The following MEMO1 variants were observed in gnomAD, a reference collection of about 807,000 sequenced individuals.
MEMO1 encodes the protein mediator of cell motility 1.
A neutral mutation model predicts 45.2 loss-of-function variants in MEMO1; 6 were observed. The observed-to-expected ratio is 0.13, with a 90% CI of 0.07 to 0.26. MEMO1 has a LOEUF of 0.26. MEMO1 is among the 10% of genes least tolerant of loss of function. The probability of loss-of-function intolerance (pLI) is 1.00; values close to 1 mark genes in which losing one functional copy is unlikely to be tolerated. For synonymous variants in MEMO1, 78 were observed against 124.3 expected (o/e 0.63, Z 2.48); for missense variants, 184 against 370.5 (o/e 0.50, Z 4.13).
At chr2:31,928,474 G>A (rs71446030) in intron 4 of MEMO1, among the ~76,000 whole-genome samples, 6,106 of 151,634 alleles carry the variant, frequency 0.04, 153 homozygotes, top group Middle Eastern at 0.11. Context: ...TTGAACTCAG[G>A]AGGCGGAGGT....
intron 7 of MEMO1, among the ~76,000 whole-genome samples, chr2:31,889,130 T>C (rs892869043): frequency 1.3e-5 from 2 of 152,102 alleles, no homozygotes; most frequent in East Asian, 3.8e-4. Flanking sequence ...CTGCAAAAGG[T>C]AGGCACAATA....
intron 8 of MEMO1, among the ~76,000 whole-genome samples, chr2:31,881,665 T>C (rs1331511860): frequency 6.6e-6 from 1 of 152,116 alleles, no homozygotes; most frequent in Admixed American, 6.6e-5. Flanking sequence ...TATGCTTTTT[T>C]TATAGCTCTT....
intron 2 of MEMO1, among the ~76,000 whole-genome samples, chr2:31,955,455 T>C (rs891562109): frequency 2.6e-5 from 4 of 152,178 alleles, no homozygotes; most frequent in African/African-American, 4.8e-5. Context: ...TCTCCAGCTT[T>C]TCCAAATAAC....
At chr2:31,906,313 G>A (rs1292970457) in intron 6 of MEMO1, among the ~76,000 whole-genome samples, 1 of 147,806 alleles carries the variant, frequency 6.8e-6, no homozygotes, top group Admixed American at 6.8e-5. Context: ...TTTTTTGTTT[G>A]TTTGTTTGTT....
intron 4 of MEMO1, among the ~76,000 whole-genome samples, chr2:31,922,342 TG>T (rs1682444453): frequency 7.0e-6 from 1 of 142,504 alleles, no homozygotes; most frequent in South Asian, 2.2e-4. Context: ...TGTTCTGCTA[TG>T]AAAAAAAAAA....
intron 2 of MEMO1, among the ~76,000 whole-genome samples, chr2:31,988,161 T>C (rs1365453294): frequency 6.6e-6 from 1 of 152,168 alleles, no homozygotes; most frequent in Non-Finnish European, 1.5e-5. Flanking sequence ...GCAGGACCTT[T>C]CAGAAGGTCC....
intron 2 of MEMO1, among the ~76,000 whole-genome samples, chr2:31,961,627 A>C (rs561406503): frequency 1.1e-4 from 17 of 151,810 alleles, no homozygotes; most frequent in African/African-American, 3.9e-4. Context: ...ACAAAAAAAA[A>C]ACTAGCTAGG....
At position 31,868,166 on chromosome 2, in the gene MEMO1, C is replaced by T; in HGVS notation, c.*195G>A. 1 of 424,036 alleles carries T rather than the reference C, an allele frequency of 2.4e-6. No homozygotes were observed. Among genetic ancestry groups the T allele is most frequent in the East Asian group, 4.3e-5 (1 of 23,014 alleles). 26.3% of individuals were successfully genotyped at this position (424,036 alleles called of 1,614,324 possible). ...TGATGCCAGCCTTCCTTCCACTGCC[C>T]TAAACTATAAAGCATTTTTTAATGA... On this transcript the variant is annotated 3_prime_UTR_variant, in exon 10 of 10. Transcript: ENST00000404530.
intron 6 of MEMO1, among the ~76,000 whole-genome samples, chr2:31,912,209 G>A (rs1040069928): frequency 2.0e-5 from 3 of 151,982 alleles, no homozygotes; most frequent in Non-Finnish European, 4.4e-5. Flanking sequence ...GGTGGTGGGC[G>A]CCTGTAATCC....
At chr2:31,917,635 T>G (rs1681663760) in intron 6 of MEMO1, among the ~76,000 whole-genome samples, 1 of 152,226 alleles carries the variant, frequency 6.6e-6, no homozygotes, top group Non-Finnish European at 1.5e-5. Flanking sequence ...AAGAAATGTC[T>G]AATGAATAAA....
chr2:31,920,916 A>G lies in MEMO1; in HGVS notation c.213-6T>C, dbSNP rs765050893. ...CAAGGATGAAAATTCTCCGGCTAGG[A>G]GATACACAACAAAAAAACACGTAAC... On this transcript the variant is annotated splice_region_variant and splice_polypyrimidine_tract_variant and intron_variant, in intron 4 of 9. Transcript: ENST00000404530. 2.1e-5 allele frequency: 33 copies of G among 1,586,590 alleles called. No homozygotes were observed. Among genetic ancestry groups the G allele is most frequent in the Non-Finnish European group, 2.5e-5 (29 of 1,162,044 alleles).
intron 2 of MEMO1, among the ~76,000 whole-genome samples, chr2:31,979,582 A>G (rs1670403019): frequency 6.6e-6 from 1 of 152,188 alleles, no homozygotes; most frequent in South Asian, 2.1e-4. Context: ...CACAATGTCA[A>G]TGTACTTAAT....
intron 2 of MEMO1, among the ~76,000 whole-genome samples, chr2:31,949,323 C>T (rs879510691): frequency 5.3e-5 from 8 of 152,128 alleles, no homozygotes; most frequent in Admixed American, 5.2e-4. Flanking sequence ...ATGGTTGTTG[C>T]AGCACAGTTT....
At chr2:31,933,344 A>ATATATATAT (rs1664462781) in intron 3 of MEMO1, among the ~76,000 whole-genome samples, 3 of 35,418 alleles carry the variant, frequency 8.5e-5, no homozygotes, top group African/African-American at 3.5e-4. Flanking sequence ...AAAAAAAAAA[A>ATATATATAT]AAAAATTTAT....
intron 4 of MEMO1, among the ~76,000 whole-genome samples, chr2:31,925,363 C>G (rs1330895597): frequency 6.6e-6 from 1 of 150,598 alleles, no homozygotes; most frequent in Non-Finnish European, 1.5e-5. Context: ...GTAATCCCAG[C>G]TACTCAGGAG....
chr2:31,931,179 A>C (rs548140415), intron 4 of MEMO1, among the ~76,000 whole-genome samples: 11 of 152,348 alleles, frequency 7.2e-5, no homozygotes, highest in African/African-American at 2.6e-4. Flanking sequence ...TACAATGTAC[A>C]GAGAACGCTA....
intron 3 of MEMO1, among the ~76,000 whole-genome samples, chr2:31,935,357 G>T (rs1664786765): frequency 6.6e-6 from 1 of 152,116 alleles, no homozygotes; most frequent in East Asian, 1.9e-4. Flanking sequence ...CTACACGAAA[G>T]GATGAAAGTT....
chr2:31,966,893 C>T (rs1049906744), intron 2 of MEMO1, among the ~76,000 whole-genome samples: 1 of 152,030 alleles, frequency 6.6e-6, no homozygotes, highest in Non-Finnish European at 1.5e-5. Flanking sequence ...ATTACGAATA[C>T]TTTGTCATCT....
At chr2:31,999,624 T>A (rs545745477) in intron 2 of MEMO1, among the ~76,000 whole-genome samples, 1 of 152,242 alleles carries the variant, frequency 6.6e-6, no homozygotes, top group Admixed American at 6.5e-5. Context: ...GAGCTATGAT[T>A]GCACCACTGC....
Sources: gnomAD v4.1 joint callset for allele counts (sites outside exome capture counted in the v4.1 genomes callset) on GRCh38, gnomAD v4.1.1 for gene constraint, MANE v1.5 for transcripts, NCBI Gene and HGNC (gene_info 2026-07-23, HGNC 2026-07-21) for gene names.